The following PNKD variants were observed in gnomAD, a reference collection of about 807,000 sequenced individuals.
The protein encoded by PNKD is PNKD metallo-beta-lactamase domain containing.
In PNKD, 36 loss-of-function variants were observed where a neutral mutation model predicts 45.3. The ratio of observed to expected loss-of-function variants is 0.80; its 90% CI spans 0.61 to 1.05. The LOEUF is 1.05. Ranked by LOEUF, PNKD falls within the 50% of genes least tolerant of loss-of-function variation. PNKD has a pLI of 0.00. For synonymous variants in PNKD, 197 were observed against 210.1 expected (o/e 0.94, Z 0.54); for missense variants, 511 against 506.6 (o/e 1.01, Z -0.08).
At chr2:218,308,444 C>T (rs1212669441) in intron 2 of PNKD, among the ~76,000 whole-genome samples, 4 of 152,042 alleles carry the variant, frequency 2.6e-5, no homozygotes, top group Non-Finnish European at 5.9e-5. Flanking sequence ...GCCTCAGCCT[C>T]CCAAAGTGCT....
intron 2 of PNKD, among the ~76,000 whole-genome samples, chr2:218,321,130 G>GAGCACTTA (rs1034258029): frequency 7.9e-5 from 12 of 152,012 alleles, no homozygotes; most frequent in African/African-American, 2.7e-4. Context: ...GCTCATGCTT[G>GAGCACTTA]AGCATGCATT....
At chr2:218,339,706 G>C in intron 2 of PNKD, 77 bp from the exon 3 acceptor site, 2 of 825,802 alleles carry the variant, frequency 2.4e-6, no homozygotes, top group Non-Finnish European at 4.2e-6. Context: ...GGAGATGTGG[G>C]GCCTGCAGGC....
chr2:218,275,353 G>T, intron 2 of PNKD: 3 of 1,360,722 alleles, frequency 2.2e-6, no homozygotes, highest in Non-Finnish European at 2.9e-6. Context: ...GGACAGAAAG[G>T]AAACTGGGCA....
At chr2:218,314,222 CTTTT>C (rs386392656) in intron 2 of PNKD, among the ~76,000 whole-genome samples, 4 of 67,722 alleles carry the variant, frequency 5.9e-5, no homozygotes, top group East Asian at 9.0e-4. Flanking sequence ...CGCGCCCTGG[CTTTT>C]TTTTTTTTTT....
chr2:218,338,791 ATTT>A (rs372040108), intron 2 of PNKD, among the ~76,000 whole-genome samples: 7 of 117,500 alleles, frequency 6.0e-5, no homozygotes, highest in Non-Finnish European at 5.1e-5. Flanking sequence ...GCCTCAGATG[ATTT>A]TTTTTTTTTT....
At chr2:218,303,040 A>G (rs1456877250) in intron 2 of PNKD, among the ~76,000 whole-genome samples, 1 of 152,082 alleles carries the variant, frequency 6.6e-6, no homozygotes, top group Non-Finnish European at 1.5e-5. Context: ...GCCAGGTTCA[A>G]GTGATTCTTC....
intron 8 of PNKD, 130 bp downstream of exon 8, chr2:218,343,716 C>T (rs1694749089): frequency 1.4e-6 from 1 of 714,770 alleles, no homozygotes; most frequent in East Asian, 2.7e-5. Context: ...CACAGCTCCA[C>T]CTCTAGGGGT....
chr2:218,315,094 CTCCTTCCT>C lies in PNKD; in HGVS notation c.237-24667_237-24660del, dbSNP rs71064434. Among the ~76,000 whole-genome samples the C allele has an allele frequency of 2.8e-3, 281 of 101,630 alleles. 2 individuals are homozygous for C. Among genetic ancestry groups the C allele is most frequent in the African/African-American group, 8.7e-3 (224 of 25,718 alleles). The allele number at this position is 101,630 out of a possible 152,430, so 66.7% of individuals were successfully genotyped here. On this transcript the variant is annotated intron_variant, in intron 2 of 9. Coordinates refer to ENST00000273077, the MANE Select transcript of PNKD (RefSeq NM_015488.5). ...CCTTCCTTTCTTTCTCTCTCTCTCTCTCCTTCCTTCCTTCCTTCCTTCCTTCCTTTCTT... is the reference window on the plus strand; with the variant it reads ...CCTTCCTTTCTTTCTCTCTCTCTCTCTCCTTCCTTCCTTCCTTCCTTTCTT...
At chr2:218,328,801 G>C (rs1436080730) in intron 2 of PNKD, among the ~76,000 whole-genome samples, 1 of 152,200 alleles carries the variant, frequency 6.6e-6, no homozygotes, top group African/African-American at 2.4e-5. Context: ...ATGAACCTCT[G>C]TCTCCAGACC....
intron 2 of PNKD, chr2:218,280,289 T>C: frequency 1.7e-6 from 1 of 601,006 alleles, no homozygotes; most frequent in Non-Finnish European, 3.0e-6. Flanking sequence ...ACCCTCAGAG[T>C]GACCCAGAGC....
intron 2 of PNKD, among the ~76,000 whole-genome samples, chr2:218,307,260 G>A (rs145498568): frequency 5.3e-5 from 8 of 151,936 alleles, no homozygotes; most frequent in East Asian, 2.0e-4. Context: ...AGGGGGGTTC[G>A]GGATGATTCA....
At position 218,270,570 on chromosome 2, in the gene PNKD, G is replaced by GC; in HGVS notation, c.37dup (p.Arg13ProfsTer19). The stretch of plus-strand genomic sequence containing the variant: ...GTGGTAGCTGCTACGGCGCTGAAGG[G>GC]CCGGGGGGCGAGAAATGCCCGCGTC... On this transcript the variant is annotated frameshift_variant, in exon 1 of 10. Transcript: ENST00000273077. LOFTEE classifies it high-confidence loss of function. The GC allele has an allele frequency of 8.3e-7, 1 of 1,201,806 alleles. No homozygotes were observed. Among genetic ancestry groups the GC allele is most frequent in the Non-Finnish European group, 1.1e-6 (1 of 930,904 alleles). The allele number at this position is 1,201,806 out of a possible 1,614,324, so 74.4% of individuals were successfully genotyped here.
rs58641676 is a variant in PNKD, at chr2:218,343,254, A to G, written c.782-246A>G. ...CTGGGGCCTGCAGCCCGAAGATTCC[A>G]CAGCCCCTCCCTTCAGGTGTCACTG... On this transcript the variant is annotated intron_variant, in intron 7 of 9. Coordinates refer to ENST00000273077, the MANE Select transcript of PNKD (RefSeq NM_015488.5). Among the ~76,000 whole-genome samples, 43,322 of 152,158 alleles carry G rather than the reference A, an allele frequency of 0.28. 7,215 individuals carry two copies. The highest frequency in any genetic ancestry group is 0.47 in the African/African-American group (19,434 of 41,478).
intron 2 of PNKD, among the ~76,000 whole-genome samples, chr2:218,295,741 T>C (rs556710558): frequency 2.0e-5 from 3 of 151,690 alleles, no homozygotes; most frequent in African/African-American, 4.8e-5. Flanking sequence ...AGAGGGAGTT[T>C]GGGAGGGTTG....
chr2:218,313,007 T>A (rs1359267402), intron 2 of PNKD, among the ~76,000 whole-genome samples: 1 of 152,126 alleles, frequency 6.6e-6, no homozygotes, highest in South Asian at 2.1e-4. Context: ...TAAGGAGATC[T>A]CATACCTGGC....
At chr2:218,324,186 A>T (rs1694077871) in intron 2 of PNKD, among the ~76,000 whole-genome samples, 1 of 152,158 alleles carries the variant, frequency 6.6e-6, no homozygotes, top group Admixed American at 6.5e-5. Context: ...CCCCAGGGAC[A>T]CTGAGAGGCA....
At chr2:218,294,069 A>G (rs764235890) in intron 2 of PNKD, among the ~76,000 whole-genome samples, 26 of 152,058 alleles carry the variant, frequency 1.7e-4, no homozygotes, top group Non-Finnish European at 3.2e-4. Context: ...AGCTCCCCAG[A>G]CACCCCAACC....
intron 2 of PNKD, chr2:218,277,442 G>A (rs1691337471): frequency 1.9e-6 from 3 of 1,614,194 alleles, no homozygotes; most frequent in Non-Finnish European, 2.5e-6. Context: ...GACGGCTTTG[G>A]TTTGGTACAT....
rs998169492 is a variant in PNKD at position 218,346,083 on chromosome 2, A to C, written c.*1102A>C. The C allele has an allele frequency of 6.6e-6, 1 of 152,424 alleles. No individual in the cohort carries two copies. The highest frequency in any genetic ancestry group is 1.5e-5 in the Non-Finnish European group (1 of 68,030). 9.4% of individuals were successfully genotyped at this position (152,424 alleles called of 1,614,324 possible). A position where few individuals can be genotyped will look rare whatever the true frequency, so the allele number is the denominator to read the frequency against. On this transcript the variant is annotated 3_prime_UTR_variant, in exon 10 of 10. Transcript: ENST00000273077. ...GCAGGTTGGAAATCAGAAGTCTGTG[A>C]GAGCGCGGGAGTGCATGGCAGCTCT...
Sources: allele counts gnomAD v4.1 joint callset (sites outside exome capture counted in the v4.1 genomes callset), GRCh38; gene constraint gnomAD v4.1.1; transcripts MANE v1.5; gene names NCBI Gene and HGNC (gene_info 2026-07-23, HGNC 2026-07-21).